ARMC10: variants seen among roughly 807,000 people sequenced by gnomAD.
ARMC10 encodes armadillo repeat containing 10.
ARMC10 carries 23 observed loss-of-function variants against 30.2 expected under a neutral mutation model. The ratio of observed to expected loss-of-function variants is 0.76; its 90% CI spans 0.55 to 1.08. The LOEUF is 1.08. Ranked by LOEUF, ARMC10 falls within the 50% of genes least tolerant of loss-of-function variation. ARMC10 has a pLI of 0.00. For missense variants in ARMC10, 303 were observed against 413.7 expected, an observed-to-expected ratio of 0.73 and a Z score of 2.32; for synonymous variants, 111 against 164.4, an observed-to-expected ratio of 0.68 and a Z score of 2.48.
At chr7:103,097,627 A>G (rs1801862704) in intron 6 of ARMC10, among the ~76,000 whole-genome samples, 2 of 152,148 alleles carry the variant, frequency 1.3e-5, no homozygotes, top group Admixed American at 1.3e-4. Flanking sequence ...GCCATCCCAT[A>G]TTTTATACTT....
chr7:103,091,000 A>C (rs1801269406), intron 4 of ARMC10, among the ~76,000 whole-genome samples: 1 of 152,204 alleles, frequency 6.6e-6, no homozygotes, highest in African/African-American at 2.4e-5. Context: ...TAAATTAATA[A>C]TTGTTTATGG....
intron 4 of ARMC10, among the ~76,000 whole-genome samples, chr7:103,090,496 ATTTTTGTTTG>A (rs1363534536): frequency 6.6e-6 from 1 of 151,868 alleles, no homozygotes; most frequent in Non-Finnish European, 1.5e-5. Flanking sequence ...CCATTTCTTT[ATTTTTGTTTG>A]TTTTTGTTTT....
chr7:103,093,144 G>C (rs1029076921), intron 5 of ARMC10, among the ~76,000 whole-genome samples: 1 of 152,194 alleles, frequency 6.6e-6, no homozygotes, highest in African/African-American at 2.4e-5. Context: ...AGGACCTTAG[G>C]AGATGCCCTA....
chr7:103,078,975 C>T (rs982645913), intron 2 of ARMC10, among the ~76,000 whole-genome samples: 1 of 152,152 alleles, frequency 6.6e-6, no homozygotes, highest in East Asian at 1.9e-4. Flanking sequence ...TGCCGCTGCT[C>T]TCCAGCCTGG....
intron 2 of ARMC10, chr7:103,083,264 G>A: frequency 2.5e-6 from 1 of 406,138 alleles, no homozygotes; most frequent in Middle Eastern, 5.6e-4. Flanking sequence ...TCTTCCTAAG[G>A]ATGTAAAGTG....
intron 4 of ARMC10, among the ~76,000 whole-genome samples, chr7:103,090,155 C>T (rs995810086): frequency 7.2e-5 from 11 of 152,128 alleles, no homozygotes; most frequent in African/African-American, 2.7e-4. Flanking sequence ...AATAACTAAG[C>T]TGGTCCATTT....
At chr7:103,096,879 T>C (rs1801800882) in intron 5 of ARMC10, 2 of 200,612 alleles carry the variant, frequency 1.0e-5, no homozygotes, top group East Asian at 2.2e-4. Context: ...TGAAGACATT[T>C]GCAATATTCT....
chr7:103,083,892 C>T, intron 3 of ARMC10, 62 bp downstream of exon 3: 2 of 1,575,744 alleles, frequency 1.3e-6, no homozygotes, highest in Non-Finnish European at 1.7e-6. Context: ...GTAATTGTGA[C>T]CCTGAATAAA....
chr7:103,083,245 C>T, intron 2 of ARMC10: 1 of 425,704 alleles, frequency 2.3e-6, no homozygotes, highest in Non-Finnish European at 4.7e-6. Flanking sequence ...GAGAGTACTA[C>T]AAGTATCTTC....
At chr7:103,078,468 G>T (rs1800092518) in intron 2 of ARMC10, among the ~76,000 whole-genome samples, 1 of 152,188 alleles carries the variant, frequency 6.6e-6, no homozygotes, top group African/African-American at 2.4e-5. Context: ...TATGAAGAAG[G>T]AAGTGTTTGC....
chr7:103,075,536 G>C lies in ARMC10; in HGVS notation c.139+125G>C, dbSNP rs999057977. The C allele has an allele frequency of 2.2e-5, 24 of 1,077,294 alleles. No homozygotes were observed. In the African/African-American group the frequency reaches 3.2e-4, roughly 14 times the overall value. 66.7% of individuals were successfully genotyped at this position (1,077,294 alleles called of 1,614,324 possible). A position where few individuals can be genotyped will look rare whatever the true frequency, so the allele number is the denominator to read the frequency against. ...CGAGCTAGAGGGAGAGGCAGTACTTGTGTGAGTGCAGGGTGCTGCGCCGCC... is the reference window on the plus strand; with the variant it reads ...CGAGCTAGAGGGAGAGGCAGTACTTCTGTGAGTGCAGGGTGCTGCGCCGCC... On this transcript the variant is annotated intron_variant, in intron 1 of 6. Coordinates refer to ENST00000323716, the MANE Select transcript of ARMC10 (RefSeq NM_031905.5).
At chr7:103,092,990 TCA>T (rs1801480157) in intron 5 of ARMC10, among the ~76,000 whole-genome samples, 1 of 29,208 alleles carries the variant, frequency 3.4e-5, no homozygotes, top group Non-Finnish European at 3.4e-3. Flanking sequence ...TTTTTTTGAT[TCA>T]GTTATTTGTT....
chr7:103,091,511 T>C (rs948635741), intron 4 of ARMC10, among the ~76,000 whole-genome samples: 7 of 149,952 alleles, frequency 4.7e-5, no homozygotes, highest in African/African-American at 1.8e-4. Flanking sequence ...TATATATATA[T>C]ACACACCTAG....
At chr7:103,075,453 A>C (rs1799626782) in intron 1 of ARMC10, 42 bp downstream of exon 1, 4 of 1,277,010 alleles carry the variant, frequency 3.1e-6, no homozygotes, top group Non-Finnish European at 3.0e-6. Context: ...GGGACTGGGC[A>C]GGGGGGCTCC....
chr7:103,088,635 A>C (rs1294654787), intron 4 of ARMC10: 3 of 189,486 alleles, frequency 1.6e-5, no homozygotes, highest in Non-Finnish European at 3.7e-5. Flanking sequence ...GCAAAAGACA[A>C]CCTCTGAAAT....
chr7:103,077,856 T>C (rs576432874), intron 2 of ARMC10, among the ~76,000 whole-genome samples: 5 of 152,344 alleles, frequency 3.3e-5, no homozygotes, highest in African/African-American at 4.8e-5. Context: ...TAATCATCAT[T>C]ATCTTAGGTA....
At chr7:103,095,319 C>A (rs1477837907) in intron 5 of ARMC10, among the ~76,000 whole-genome samples, 1 of 152,192 alleles carries the variant, frequency 6.6e-6, no homozygotes, top group Admixed American at 6.5e-5. Flanking sequence ...CTCTTGAACT[C>A]CTGAGCTCAA....
At chr7:103,090,081 G>A (rs1017943315) in intron 4 of ARMC10, among the ~76,000 whole-genome samples, 2 of 152,216 alleles carry the variant, frequency 1.3e-5, no homozygotes, top group South Asian at 4.1e-4. Context: ...TACCCTACAG[G>A]TAGAGTTGGG....
chr7:103,083,569 T>C, intron 2 of ARMC10, 113 bp from the exon 3 acceptor site: 1 of 887,524 alleles, frequency 1.1e-6, no homozygotes, highest in Non-Finnish European at 1.7e-6. Context: ...AAGGTTGTAG[T>C]GAGCCATGAT....
Sources: allele counts gnomAD v4.1 joint callset (sites outside exome capture counted in the v4.1 genomes callset), GRCh38; gene constraint gnomAD v4.1.1; transcripts MANE v1.5; gene names NCBI Gene and HGNC (gene_info 2026-07-23, HGNC 2026-07-21).